The following MMD2 variants were observed in gnomAD, a reference collection of about 807,000 sequenced individuals.
The protein encoded by MMD2 is monocyte to macrophage differentiation associated 2.
MMD2 carries 30 observed loss-of-function variants against 33.5 expected under a neutral mutation model. The observed-to-expected ratio is 0.90, with a 90% CI of 0.67 to 1.22. The LOEUF is 1.22. MMD2 is among the 50% of genes most tolerant of loss of function. The probability of loss-of-function intolerance (pLI) is 0.00; values close to 1 mark genes in which losing one functional copy is unlikely to be tolerated. For missense variants in MMD2, 364 were observed against 325.4 expected (o/e 1.12, Z -0.91); for synonymous variants, 129 against 123.0 (o/e 1.05, Z -0.32).
chr7:4,941,984 C>CG (rs1785924051), intron 1 of MMD2, among the ~76,000 whole-genome samples: 1 of 151,910 alleles, frequency 6.6e-6, no homozygotes, highest in Non-Finnish European at 1.5e-5. Context: ...GATGAAGTCT[C>CG]GCCCTGTTGC....
At chr7:4,923,988 C>T (rs376851923) in intron 2 of MMD2, among the ~76,000 whole-genome samples, 9 of 152,100 alleles carry the variant, frequency 5.9e-5, no homozygotes, top group Non-Finnish European at 7.4e-5. Context: ...GTCAGGAGAT[C>T]GAGACCATTC....
chr7:4,892,313 C>A, the MMD2 span, among the ~76,000 whole-genome samples: 2 of 152,088 alleles, frequency 1.3e-5, no homozygotes, highest in Non-Finnish European at 2.9e-5. Flanking sequence ...CAAGGCCGGG[C>A]ACGGTGGCTC....
At chr7:4,937,466 G>A (rs1785774575) in intron 1 of MMD2, among the ~76,000 whole-genome samples, 1 of 151,718 alleles carries the variant, frequency 6.6e-6, no homozygotes, top group African/African-American at 2.4e-5. Flanking sequence ...AAGGAAGAAA[G>A]AAAGGGAAAT....
downstream of MMD2, among the ~76,000 whole-genome samples, chr7:4,904,980 G>C (rs1419573650): frequency 6.6e-6 from 1 of 152,188 alleles, no homozygotes; most frequent in Non-Finnish European, 1.5e-5. Context: ...GCCTGAACTG[G>C]ACTTTGAAGG....
intron 3 of MMD2, 62 bp from the exon 4 acceptor site, chr7:4,916,141 C>G: frequency 6.6e-7 from 1 of 1,518,178 alleles, no homozygotes; most frequent in Non-Finnish European, 9.1e-7. Context: ...CCAGTGCCCC[C>G]AGAGCCGTGC....
At position 4,927,943 on chromosome 7, in the gene MMD2, C is replaced by T. The variant is rs114357613; in HGVS notation, c.48-2411G>A. On this transcript the variant is annotated intron_variant, in intron 1 of 6. Coordinates refer to ENST00000401401, the MANE Select transcript of MMD2 (RefSeq NM_198403.4). ...ACTCCGACGTCTGGTTCTGCCTTGA[C>T]GCAAGTCTGTGCTCGGGGACTTAGT... is the stretch of plus-strand genomic sequence containing the variant. Among the ~76,000 whole-genome samples, 1,249 of 152,230 alleles carry T rather than the reference C, an allele frequency of 8.2e-3. 28 individuals are homozygous for T. The highest frequency in any genetic ancestry group is 0.028 in the African/African-American group (1,172 of 41,550).
intron 1 of MMD2, among the ~76,000 whole-genome samples, chr7:4,952,850 C>T (rs1462179342): frequency 2.0e-5 from 3 of 152,008 alleles, no homozygotes; most frequent in South Asian, 2.1e-4. Context: ...CACCACCACA[C>T]CTGGCTAATT....
chr7:4,952,549 T>G (rs926703294), intron 1 of MMD2, among the ~76,000 whole-genome samples: 43 of 152,202 alleles, frequency 2.8e-4, no homozygotes, highest in African/African-American at 9.9e-4. Context: ...TGGCACCTAC[T>G]GTATACCACT....
intron 6 of MMD2, among the ~76,000 whole-genome samples, chr7:4,909,431 A>C (rs530105664): frequency 9.0e-6 from 1 of 111,266 alleles, no homozygotes; most frequent in Non-Finnish European, 1.8e-5. Context: ...TCCTGCCTCT[A>C]CAAAAAAAAA....
intron 1 of MMD2, among the ~76,000 whole-genome samples, chr7:4,945,805 G>A (rs2115150464): frequency 6.6e-6 from 1 of 152,188 alleles, no homozygotes; most frequent in South Asian, 2.1e-4. Context: ...GAGCTCCTGA[G>A]CTCAAGTGAT....
chr7:4,952,046 T>C (rs1583403508), intron 1 of MMD2, among the ~76,000 whole-genome samples: 1 of 152,228 alleles, frequency 6.6e-6, no homozygotes, highest in East Asian at 1.9e-4. Flanking sequence ...TCAACAAGGT[T>C]TTTGAGTGCA....
At chr7:4,941,629 CAAAAA>C (rs60860507) in intron 1 of MMD2, among the ~76,000 whole-genome samples, 5 of 135,968 alleles carry the variant, frequency 3.7e-5, no homozygotes, top group South Asian at 2.4e-4. Context: ...GAACCTGTCT[CAAAAA>C]AAAAAAAAAA....
intron 1 of MMD2, among the ~76,000 whole-genome samples, chr7:4,944,880 GC>G: frequency 6.9e-6 from 1 of 144,250 alleles, no homozygotes; most frequent in African/African-American, 2.6e-5. Flanking sequence ...CCATTATCCT[GC>G]CTCAGCCTCC....
At chr7:4,951,036 T>C (rs1270067756) in intron 1 of MMD2, among the ~76,000 whole-genome samples, 2 of 152,004 alleles carry the variant, frequency 1.3e-5, no homozygotes, top group East Asian at 1.9e-4. Flanking sequence ...TTTGATCTCA[T>C]TGCATAAGAG....
chr7:4,905,432 A>C (rs1022404029), downstream of MMD2, among the ~76,000 whole-genome samples: 1 of 149,310 alleles, frequency 6.7e-6, no homozygotes, highest in Admixed American at 6.7e-5. This position sits in a 1 kb window ranked among gnomAD's most constrained non-coding sequence, Gnocchi z 5.0. Flanking sequence ...AGGAAGGGGA[A>C]GAAAGGGAAG....
rs1179170004 is a variant in MMD2, at chr7:4,906,532, G to C, written c.*864C>G. 6 of 398,530 alleles carry C rather than the reference G, an allele frequency of 1.5e-5. No homozygotes were observed. The highest frequency in any genetic ancestry group is 2.1e-5 in the African/African-American group (1 of 48,628). The allele number at this position is 398,530 out of a possible 1,614,324, so 24.7% of individuals were successfully genotyped here. A position where few individuals can be genotyped will look rare whatever the true frequency, so the allele number is the denominator to read the frequency against. On this transcript the variant is annotated 3_prime_UTR_variant, in exon 7 of 7. Transcript: ENST00000401401. ...ATGAATAGCTCTCGTAATGTCTCTG[G>C]ATTTTTGGAGATGGGAAGAAATGGC...
intron 2 of MMD2, among the ~76,000 whole-genome samples, chr7:4,920,737 C>G (rs1340357608): frequency 7.9e-6 from 1 of 126,208 alleles, no homozygotes; most frequent in Non-Finnish European, 1.6e-5. Flanking sequence ...TTTCTCTCTT[C>G]CGTCCTTCCT....
chr7:4,941,417 G>T (rs1386110285), intron 1 of MMD2, among the ~76,000 whole-genome samples: 3 of 152,188 alleles, frequency 2.0e-5, no homozygotes, highest in African/African-American at 7.2e-5. Flanking sequence ...ATCACTTGGG[G>T]CCAGGAATTC....
At chr7:4,958,843 G>T in intron 1 of MMD2, 128 bp downstream of exon 1, 1 of 799,562 alleles carries the variant, frequency 1.3e-6, no homozygotes, top group Non-Finnish European at 1.7e-6. Flanking sequence ...CTCGGGCGGG[G>T]GTCAGGGGTC....
Sources: gnomAD v4.1 joint callset for allele counts (sites outside exome capture counted in the v4.1 genomes callset) on GRCh38, gnomAD v4.1.1 for gene constraint, Gnocchi (gnomAD v3.1) non-coding constraint, MANE v1.5 for transcripts, NCBI Gene and HGNC (gene_info 2026-07-23, HGNC 2026-07-21) for gene names.